The following HPSE2 variants were observed in gnomAD, a reference collection of about 807,000 sequenced individuals.
HPSE2 encodes the protein inactive heparanase-2.
A neutral mutation model predicts 60.5 loss-of-function variants in HPSE2; 38 were observed. That is an observed-to-expected ratio of 0.63 (90% CI 0.48 to 0.82). The LOEUF (loss-of-function observed/expected upper bound fraction) is 0.82, where lower values mean the gene tolerates loss of function less well. Ranked by LOEUF, HPSE2 falls within the 40% of genes least tolerant of loss-of-function variation. The pLI is 0.00. For missense variants in HPSE2, 713 were observed against 740.4 expected (o/e 0.96, Z 0.43); for synonymous variants, 295 against 293.2 (o/e 1.01, Z -0.06).
chr10:99,277,204 C>T, the HPSE2 span, among the ~76,000 whole-genome samples: 1 of 152,224 alleles, frequency 6.6e-6, no homozygotes, highest in Non-Finnish European at 1.5e-5. Flanking sequence ...ATCATATCAT[C>T]TTATGGCTTT....
At chr10:98,664,689 C>G (rs1947315596) in intron 6 of HPSE2, among the ~76,000 whole-genome samples, 1 of 152,154 alleles carries the variant, frequency 6.6e-6, no homozygotes, top group Admixed American at 6.5e-5. Flanking sequence ...AAAAATATTT[C>G]GCCCGTATAT....
At chr10:98,969,765 A>G (rs2135262717) in intron 3 of HPSE2, among the ~76,000 whole-genome samples, 1 of 152,284 alleles carries the variant, frequency 6.6e-6, no homozygotes, top group Middle Eastern at 3.4e-3. Flanking sequence ...ATGAAGAAAT[A>G]CCAGAGACTG....
At chr10:98,944,956 T>C (rs188578195) in intron 3 of HPSE2, among the ~76,000 whole-genome samples, 1 of 152,250 alleles carries the variant, frequency 6.6e-6, no homozygotes, top group East Asian at 1.9e-4. Flanking sequence ...TTATGAGTAC[T>C]ACATATCTAT....
chr10:99,299,114 G>C, the HPSE2 span, among the ~76,000 whole-genome samples: 9 of 152,162 alleles, frequency 5.9e-5, no homozygotes, highest in African/African-American at 2.2e-4. Context: ...CCCATAGGAG[G>C]TCTGTGCTCC....
intron 7 of HPSE2, 44 bp downstream of exon 7, chr10:98,641,803 A>G (rs777104104): frequency 7.1e-7 from 1 of 1,402,000 alleles, no homozygotes; most frequent in Non-Finnish European, 1.0e-6. Context: ...TCCTTGTCTT[A>G]CCCCCAGAAT....
intron 3 of HPSE2, among the ~76,000 whole-genome samples, chr10:98,931,993 T>G (rs557085615): frequency 6.9e-6 from 1 of 143,980 alleles, no homozygotes; most frequent in South Asian, 2.1e-4. Context: ...TGGCCAGAAC[T>G]TCCAGCACTT....
intron 3 of HPSE2, among the ~76,000 whole-genome samples, chr10:98,958,997 A>G (rs950097478): frequency 6.6e-6 from 1 of 152,114 alleles, no homozygotes; most frequent in African/African-American, 2.4e-5. Flanking sequence ...AAAAATATCT[A>G]TTTTAAAGAG....
At chr10:99,165,081 C>CAAAA (rs56263581) in intron 2 of HPSE2, among the ~76,000 whole-genome samples, 25 of 65,724 alleles carry the variant, frequency 3.8e-4, no homozygotes, top group Non-Finnish European at 5.2e-4. Context: ...GACTCGGTCT[C>CAAAA]AAAAAAAAAA....
At chr10:98,990,977 A>T (rs1444233773) in intron 3 of HPSE2, among the ~76,000 whole-genome samples, 2 of 152,140 alleles carry the variant, frequency 1.3e-5, no homozygotes, top group African/African-American at 4.8e-5. Flanking sequence ...TGCCCCAATC[A>T]TACTGGTCTA....
chr10:98,893,259 G>T (rs969605540), intron 3 of HPSE2, among the ~76,000 whole-genome samples: 3 of 151,908 alleles, frequency 2.0e-5, no homozygotes, highest in African/African-American at 7.3e-5. Context: ...TAGAGACAGG[G>T]TTTCTCCATG....
At chr10:98,940,249 A>T (rs574030580) in intron 3 of HPSE2, among the ~76,000 whole-genome samples, 1 of 144,006 alleles carries the variant, frequency 6.9e-6, no homozygotes, top group East Asian at 2.0e-4. Context: ...GAAATGAAGG[A>T]AATAGAGACA....
chr10:98,791,132 A>C (rs1288876016), intron 3 of HPSE2, among the ~76,000 whole-genome samples: 1 of 152,198 alleles, frequency 6.6e-6, no homozygotes, highest in East Asian at 1.9e-4. Context: ...CACAACTTAT[A>C]GCATTGTGTT....
chr10:99,165,101 A>AG (rs1336259790), intron 2 of HPSE2, among the ~76,000 whole-genome samples: 1 of 151,732 alleles, frequency 6.6e-6, no homozygotes, highest in Non-Finnish European at 1.5e-5. Context: ...AAAAAAAAAA[A>AG]AAAAGAATTC....
intron 3 of HPSE2, among the ~76,000 whole-genome samples, chr10:98,905,958 T>C (rs1469552765): frequency 6.6e-6 from 1 of 152,206 alleles, no homozygotes; most frequent in Non-Finnish European, 1.5e-5. Flanking sequence ...CTTAGTCTCC[T>C]GGCTGCTGGG....
intron 3 of HPSE2, among the ~76,000 whole-genome samples, chr10:99,093,798 T>C (rs1458617665): frequency 6.6e-6 from 1 of 152,212 alleles, no homozygotes; most frequent in East Asian, 1.9e-4. Context: ...ATTCAAACTA[T>C]AGCAGGCATG....
At chr10:98,853,047 A>T (rs1328086921) in intron 3 of HPSE2, among the ~76,000 whole-genome samples, 1 of 152,250 alleles carries the variant, frequency 6.6e-6, no homozygotes, top group Non-Finnish European at 1.5e-5. Context: ...AATGTAAATT[A>T]AACACAAATG....
intron 3 of HPSE2, among the ~76,000 whole-genome samples, chr10:98,998,704 C>A (rs1956705105): frequency 6.6e-6 from 1 of 152,150 alleles, no homozygotes; most frequent in African/African-American, 2.4e-5. Flanking sequence ...AATTTCCATG[C>A]CTCCCCCTTT....
intron 2 of HPSE2, among the ~76,000 whole-genome samples, chr10:99,154,199 C>A (rs1314961947): frequency 3.9e-4 from 55 of 141,060 alleles, no homozygotes; most frequent in Non-Finnish European, 9.3e-5. Flanking sequence ...TCCAGGAGAA[C>A]TTCCCCAATC....
At chr10:99,216,940 G>A (rs904838377) in intron 2 of HPSE2, among the ~76,000 whole-genome samples, 10 of 151,998 alleles carry the variant, frequency 6.6e-5, no homozygotes, top group Admixed American at 2.6e-4. Flanking sequence ...AACAAGTAAA[G>A]TTTTACTAGT....
Sources: gnomAD v4.1 joint callset for allele counts (sites outside exome capture counted in the v4.1 genomes callset) on GRCh38, gnomAD v4.1.1 for gene constraint, MANE v1.5 for transcripts, NCBI Gene and HGNC (gene_info 2026-07-23, HGNC 2026-07-21) for gene names.